Variants in CCDC85C observed in about 807,000 individuals in gnomAD.
CCDC85C encodes the protein coiled-coil domain-containing protein 85C.
CCDC85C carries 18 observed loss-of-function variants against 38.3 expected under a neutral mutation model. The observed-to-expected ratio is 0.47, with a 90% CI of 0.33 to 0.70. CCDC85C has a LOEUF of 0.70. CCDC85C is among the 30% of genes least tolerant of loss of function. The pLI is 0.03. For synonymous variants in CCDC85C, 264 were observed against 293.8 expected (o/e 0.90, Z 1.04); for missense variants, 566 against 621.2 (o/e 0.91, Z 0.94).
intron 1 of CCDC85C, among the ~76,000 whole-genome samples, chr14:99,593,849 G>A (rs1303626440): frequency 4.4e-4 from 67 of 152,238 alleles, no homozygotes; most frequent in Admixed American, 4.3e-3. Context: ...CTCTGGGGCT[G>A]GGCACGGGCA....
intron 1 of CCDC85C, among the ~76,000 whole-genome samples, chr14:99,599,302 C>T (rs2055175391): frequency 6.6e-6 from 1 of 152,012 alleles, no homozygotes; most frequent in Admixed American, 6.6e-5. Flanking sequence ...AATCCTAGTT[C>T]CTCCAGGTTG....
chr14:99,566,694 G>A (rs968566244), intron 1 of CCDC85C, among the ~76,000 whole-genome samples: 1 of 152,216 alleles, frequency 6.6e-6, no homozygotes, highest in African/African-American at 2.4e-5. Context: ...ACCCTGAAAA[G>A]GCCTGTAAGC....
chr14:99,556,156 C>T (rs995628572), intron 1 of CCDC85C, among the ~76,000 whole-genome samples: 31 of 152,232 alleles, frequency 2.0e-4, no homozygotes, highest in African/African-American at 7.0e-4. Context: ...CAGTGGCTCA[C>T]GCCTGTAATA....
At chr14:99,536,402 T>G (rs563218315) in intron 1 of CCDC85C, among the ~76,000 whole-genome samples, 2 of 151,920 alleles carry the variant, frequency 1.3e-5, no homozygotes, top group African/African-American at 4.8e-5. Context: ...TGTAGAAAGG[T>G]GGGGGGTGTG....
chr14:99,537,693 C>T (rs1595349831), intron 1 of CCDC85C, among the ~76,000 whole-genome samples: 2 of 152,316 alleles, frequency 1.3e-5, no homozygotes, highest in East Asian at 3.9e-4. Context: ...CCCTGCCAGG[C>T]AGACCACCCC....
At chr14:99,568,304 G>A (rs1157779245) in intron 1 of CCDC85C, among the ~76,000 whole-genome samples, 1 of 138,130 alleles carries the variant, frequency 7.2e-6, no homozygotes, top group African/African-American at 2.8e-5. Context: ...CCAGGCTGGA[G>A]TGCAATGGCA....
At chr14:99,549,288 C>G (rs1897862178) in intron 1 of CCDC85C, among the ~76,000 whole-genome samples, 1 of 152,218 alleles carries the variant, frequency 6.6e-6, no homozygotes, top group African/African-American at 2.4e-5. Flanking sequence ...CATGTTGTAC[C>G]ACTTCCTCCC....
In CCDC85C at chr14:99,511,381, T is replaced by C. The variant is rs1437172359; in HGVS notation, c.*3865A>G. On this transcript the variant is annotated 3_prime_UTR_variant, in exon 6 of 6. Coordinates refer to ENST00000380243, the MANE Select transcript of CCDC85C (RefSeq NM_001144995.2). ...ATGTACTTGGAAATTAATGTATGTTTACATCTCTTTGCAAATTCCTGTACA... is the reference window on the plus strand; with the variant it reads ...ATGTACTTGGAAATTAATGTATGTTCACATCTCTTTGCAAATTCCTGTACA... 2 of 152,418 alleles carry C rather than the reference T, an allele frequency of 1.3e-5. No individual in the cohort carries two copies. The highest frequency in any genetic ancestry group is 6.5e-5 in the Admixed American group (1 of 15,286). The allele number at this position is 152,418 out of a possible 1,614,324, so 9.4% of individuals were successfully genotyped here. A position where few individuals can be genotyped will look rare whatever the true frequency, so the allele number is the denominator to read the frequency against.
Position 99,502,632 on chromosome 14 carries a change from AG to A in CCDC85C, c.*12613del. The A allele has an allele frequency of 7.6e-7, 1 of 1,319,988 alleles. No individual in the cohort carries two copies. Among genetic ancestry groups the A allele is most frequent in the Non-Finnish European group, 1.1e-6 (1 of 937,464 alleles). The allele number at this position is 1,319,988 out of a possible 1,614,324, so 81.8% of individuals were successfully genotyped here. ...ATGTGATTCATGCTTAGGTCCTCGT[AG>A]GGGTATCATAACTGATTCTTTATCC... On this transcript the variant is annotated 3_prime_UTR_variant, in exon 6 of 6. Transcript: ENST00000380243.
chr14:99,538,785 C>A (rs1336765439), intron 1 of CCDC85C, among the ~76,000 whole-genome samples: 2 of 152,222 alleles, frequency 1.3e-5, no homozygotes, highest in African/African-American at 2.4e-5. Flanking sequence ...GGGTTTCACA[C>A]CCACTTCCCA....
chr14:99,502,863 C>G lies in CCDC85C; in HGVS notation c.*12383G>C, dbSNP rs754196878. On this transcript the variant is annotated 3_prime_UTR_variant, in exon 6 of 6. Transcript: ENST00000380243. ...CAGCAGTCACAGCCGTCTCAAAGCTCCGAACCATCCCAGCCCCAGCAGAAG... is the reference window on the plus strand; with the variant it reads ...CAGCAGTCACAGCCGTCTCAAAGCTGCGAACCATCCCAGCCCCAGCAGAAG... 36 of 1,613,240 alleles carry G rather than the reference C, an allele frequency of 2.2e-5. No homozygotes were observed. The highest frequency in any genetic ancestry group is 3.0e-5 in the Non-Finnish European group (35 of 1,179,554).
Position 99,581,432 on chromosome 14 carries a change from C to T in CCDC85C, c.793+21735G>A, listed in dbSNP as rs983739033. ...ACAGAGCTGCCAGGTAGGAGGACAG[C>T]GTATGAAGCCTCACACCTGGGGTCT... On this transcript the variant is annotated intron_variant, in intron 1 of 5. Coordinates refer to ENST00000380243, the MANE Select transcript of CCDC85C (RefSeq NM_001144995.2). 5.9e-5 allele frequency among the ~76,000 whole-genome samples: 9 copies of T among 152,230 alleles called. No homozygotes were observed. The South Asian group carries it at 1.4e-3, about 24-fold the overall frequency.
At chr14:99,519,155 G>A (rs1489306543) in intron 3 of CCDC85C, among the ~76,000 whole-genome samples, 4 of 109,316 alleles carry the variant, frequency 3.7e-5, no homozygotes, top group Non-Finnish European at 5.0e-5. Context: ...TCACTCTGTC[G>A]CCCAGGCTGA....
At position 99,516,177 on chromosome 14, in the gene CCDC85C, G is replaced by A; in HGVS notation, c.1170+11C>T. On this transcript the variant is annotated intron_variant, in intron 5 of 5. Transcript: ENST00000380243. This position sits in a 1 kb window ranked among gnomAD's most constrained non-coding sequence, Gnocchi z 5.5. The stretch of plus-strand genomic sequence containing the variant: ...TGCCAAGCCTCTGCCCCCCACCCCT[G>A]GAAGCCTCACGTTGCACATCTCGCG... 6.5e-7 allele frequency: 1 copy of A among 1,549,076 alleles called. No homozygotes were observed. Among genetic ancestry groups the A allele is most frequent in the Non-Finnish European group, 8.7e-7 (1 of 1,145,148 alleles).
At chr14:99,598,309 G>C (rs575644296) in intron 1 of CCDC85C, among the ~76,000 whole-genome samples, 4 of 152,368 alleles carry the variant, frequency 2.6e-5, no homozygotes, top group African/African-American at 9.6e-5. Context: ...AACAAGCATG[G>C]ATTGGAAAAT....
intron 1 of CCDC85C, among the ~76,000 whole-genome samples, chr14:99,550,812 C>T (rs1041931573): frequency 1.3e-5 from 2 of 152,180 alleles, no homozygotes; most frequent in African/African-American, 4.8e-5. Flanking sequence ...CCCTCTGAGC[C>T]GAGATACCAG....
Position 99,516,249 on chromosome 14 carries a change from T to C in CCDC85C, c.1109A>G (p.Gln370Arg), listed in dbSNP as rs199770498. 5.8e-4 allele frequency: 892 copies of C among 1,551,190 alleles called. 1 individual carries two copies. Among genetic ancestry groups the C allele is most frequent in the Non-Finnish European group, 6.1e-4 (703 of 1,146,934 alleles). ...EVHENLDRQL[Q>R]DSCEEDLSEK... Reference sequence around the variant, plus strand: ...ACTCAGGTCCTCCTCACAGCTGTCCTGGAGCTGCCGGTCCAGATTCTCGTG... The same window carrying C: ...ACTCAGGTCCTCCTCACAGCTGTCCCGGAGCTGCCGGTCCAGATTCTCGTG... Residue 370 changes from glutamine (Q) to arginine (R), a missense_variant, in exon 5 of 6, where the codon CAG becomes CGG. Transcript: ENST00000380243. The surrounding 1 kb of genome is among the most constrained non-coding windows in gnomAD (Gnocchi z 5.5).
chr14:99,578,305 A>C (rs1595097935), intron 1 of CCDC85C, among the ~76,000 whole-genome samples: 5 of 81,978 alleles, frequency 6.1e-5, no homozygotes, highest in Admixed American at 3.3e-4. Context: ...TATATCCCCC[A>C]TCAGTGTGTG....
Position 99,515,272 on chromosome 14 carries a change from C to G in CCDC85C, c.1234G>C (p.Gly412Arg). 6.4e-7 allele frequency: 1 copy of G among 1,550,826 alleles called. No individual in the cohort carries two copies. The highest frequency in any genetic ancestry group is 2.0e-5 in the Admixed American group (1 of 50,990). ...SKPSIRQHLS[G>R]NQFKGPL ...TACAAAGGCCCCTTGAACTGGTTCC[C>G]AGACAGGTGCTGCCGTATGGAGGGC... The change falls in exon 6 of 6, where the codon GGG becomes CGG. Residue 412 changes from glycine to arginine, a missense_variant. By Grantham distance (125) the Gly-to-Arg change is moderately radical. Coordinates refer to ENST00000380243, the MANE Select transcript of CCDC85C (RefSeq NM_001144995.2).
Sources: allele counts gnomAD v4.1 joint callset (sites outside exome capture counted in the v4.1 genomes callset), GRCh38; gene constraint gnomAD v4.1.1; non-coding constraint Gnocchi (gnomAD v3.1); transcripts MANE v1.5; gene names NCBI Gene and HGNC (gene_info 2026-07-23, HGNC 2026-07-21).